MTHFD2L: variants seen among roughly 807,000 people sequenced by gnomAD.
MTHFD2L encodes the protein methylenetetrahydrofolate dehydrogenase (NADP+ dependent) 2 like.
In MTHFD2L, 29 loss-of-function variants were observed where a neutral mutation model predicts 34.9. The observed-to-expected ratio is 0.83, with a 90% CI of 0.62 to 1.13. The LOEUF (loss-of-function observed/expected upper bound fraction) is 1.13, where lower values mean the gene tolerates loss of function less well. Among genes scored for constraint, MTHFD2L ranks in the 50% most tolerant of loss-of-function variants. MTHFD2L has a pLI of 0.00. For missense variants in MTHFD2L, 481 were observed against 446.5 expected (o/e 1.08, Z -0.70); for synonymous variants, 167 against 155.7 (o/e 1.07, Z -0.54).
At chr4:74,191,396 T>C (rs1732484166) in intron 3 of MTHFD2L, among the ~76,000 whole-genome samples, 1 of 151,768 alleles carries the variant, frequency 6.6e-6, no homozygotes, top group South Asian at 2.1e-4. Flanking sequence ...AAGGAAGAAG[T>C]AAATGAAAAA....
chr4:74,200,620 C>T (rs1279401723), intron 4 of MTHFD2L, among the ~76,000 whole-genome samples: 1 of 152,060 alleles, frequency 6.6e-6, no homozygotes, highest in African/African-American at 2.4e-5. Flanking sequence ...CTCTCACAGA[C>T]TCTTACAAAA....
intron 5 of MTHFD2L, among the ~76,000 whole-genome samples, chr4:74,224,469 G>C (rs1157985240): frequency 1.3e-5 from 2 of 152,066 alleles, no homozygotes; most frequent in Non-Finnish European, 2.9e-5. Context: ...AACTTTTGTT[G>C]TTTTGGTTAA....
In MTHFD2L at chr4:74,302,761, C is replaced by G. The variant is rs1750464010; in HGVS notation, c.*952C>G. The stretch of plus-strand genomic sequence containing the variant: ...ACATGATACTTTCAATGTGCCAAAA[C>G]TAAACCTTAGTATACAACTAAAAAT... On this transcript the variant is annotated 3_prime_UTR_variant, in exon 8 of 8. Coordinates refer to ENST00000325278, the MANE Select transcript of MTHFD2L (RefSeq NM_001144978.3). 1 of 152,110 alleles carries G rather than the reference C, an allele frequency of 6.6e-6. No homozygotes were observed. Among genetic ancestry groups the G allele is most frequent in the Non-Finnish European group, 1.5e-5 (1 of 67,992 alleles). The allele number at this position is 152,110 out of a possible 1,614,324, so 9.4% of individuals were successfully genotyped here. A position where few individuals can be genotyped will look rare whatever the true frequency, so the allele number is the denominator to read the frequency against.
intron 6 of MTHFD2L, among the ~76,000 whole-genome samples, chr4:74,270,206 C>A (rs1477683923): frequency 6.6e-6 from 1 of 151,762 alleles, no homozygotes; most frequent in Non-Finnish European, 1.5e-5. Flanking sequence ...TTCTAGAGTA[C>A]ATGTGCACAA....
chr4:74,269,532 G>A (rs1041878142), intron 6 of MTHFD2L, among the ~76,000 whole-genome samples: 28 of 151,452 alleles, frequency 1.8e-4, no homozygotes, highest in African/African-American at 6.1e-4. Context: ...TTTTATACTT[G>A]TAATGCATAA....
intron 1 of MTHFD2L, among the ~76,000 whole-genome samples, chr4:74,171,067 A>G (rs1727862941): frequency 6.6e-6 from 1 of 152,144 alleles, no homozygotes. Flanking sequence ...AACATGGCAC[A>G]TGTATACATA....
At chr4:74,276,937 T>A (rs1746730859) in intron 6 of MTHFD2L, among the ~76,000 whole-genome samples, 1 of 152,066 alleles carries the variant, frequency 6.6e-6, no homozygotes, top group Admixed American at 6.6e-5. Flanking sequence ...ATTTTTTTTT[T>A]AATTTGAAAG....
At chr4:74,117,330 T>C (rs1269035351) in intron 2 of MTHFD2L, among the ~76,000 whole-genome samples, 1 of 152,200 alleles carries the variant, frequency 6.6e-6, no homozygotes, top group African/African-American at 2.4e-5. Flanking sequence ...GTGTTTACTA[T>C]GTGTGAGGTT....
intron 1 of MTHFD2L, among the ~76,000 whole-genome samples, chr4:74,130,981 A>G (rs1722451571): frequency 6.6e-6 from 1 of 152,184 alleles, no homozygotes; most frequent in Non-Finnish European, 1.5e-5. Context: ...GTGAACTCCC[A>G]TTCACAATTG....
chr4:74,121,182 C>G (rs1721747200), upstream of MTHFD2L, among the ~76,000 whole-genome samples: 1 of 152,162 alleles, frequency 6.6e-6, no homozygotes, highest in Non-Finnish European at 1.5e-5. Context: ...GACCCTAGAA[C>G]TGGGAAGGAA....
At chr4:74,287,190 A>C (rs368373053) in intron 7 of MTHFD2L, among the ~76,000 whole-genome samples, 46 of 152,314 alleles carry the variant, frequency 3.0e-4, no homozygotes, top group East Asian at 1.9e-3. Context: ...TGTATTTTGT[A>C]CTAGAGTTGC....
At chr4:74,238,692 G>C (rs535585456) in intron 6 of MTHFD2L, among the ~76,000 whole-genome samples, 69 of 152,238 alleles carry the variant, frequency 4.5e-4, no homozygotes, top group Non-Finnish European at 7.8e-4. Flanking sequence ...TGAACAGACA[G>C]TTCTCAAAAG....
chr4:74,127,247 T>A (rs536169512), intron 1 of MTHFD2L, among the ~76,000 whole-genome samples: 1 of 152,256 alleles, frequency 6.6e-6, no homozygotes, highest in African/African-American at 2.4e-5. Context: ...CTTAAATACT[T>A]TTCTTTGTGC....
intron 7 of MTHFD2L, among the ~76,000 whole-genome samples, chr4:74,291,518 C>G (rs779489788): frequency 1.3e-5 from 2 of 152,208 alleles, no homozygotes; most frequent in Non-Finnish European, 2.9e-5. Context: ...AACACATATT[C>G]ATTAATGATA....
intron 1 of MTHFD2L, among the ~76,000 whole-genome samples, chr4:74,167,522 G>C (rs972165546): frequency 6.6e-6 from 1 of 152,180 alleles, no homozygotes; most frequent in Admixed American, 6.5e-5. Flanking sequence ...TACTACAAAA[G>C]GGTAAAAACC....
intron 6 of MTHFD2L, among the ~76,000 whole-genome samples, chr4:74,266,098 T>C: frequency 6.6e-6 from 1 of 152,208 alleles, no homozygotes; most frequent in South Asian, 2.1e-4. Context: ...CATTAAGCAC[T>C]CCTTTCTCAA....
At chr4:74,271,677 T>G (rs1746009427) in intron 6 of MTHFD2L, among the ~76,000 whole-genome samples, 1 of 152,200 alleles carries the variant, frequency 6.6e-6, no homozygotes, top group South Asian at 2.1e-4. Context: ...CCATATGAAC[T>G]TTAAAGTAGT....
At chr4:74,197,746 C>G (rs530255288) in intron 3 of MTHFD2L, among the ~76,000 whole-genome samples, 5 of 151,840 alleles carry the variant, frequency 3.3e-5, no homozygotes, top group Admixed American at 6.6e-5. Flanking sequence ...TACTTTTATC[C>G]CCAGTAACTA....
chr4:74,205,004 A>G (rs527895929), intron 5 of MTHFD2L, among the ~76,000 whole-genome samples: 1 of 152,314 alleles, frequency 6.6e-6, no homozygotes, highest in South Asian at 2.1e-4. Context: ...AATAAGTTAT[A>G]ATACTGGTTA....
Sources: allele counts gnomAD v4.1 joint callset (sites outside exome capture counted in the v4.1 genomes callset), GRCh38; gene constraint gnomAD v4.1.1; transcripts MANE v1.5; gene names NCBI Gene and HGNC (gene_info 2026-07-23, HGNC 2026-07-21).